BAZ1A: variants seen among roughly 807,000 people sequenced by gnomAD.
BAZ1A encodes bromodomain adjacent to zinc finger domain protein 1A.
Under a neutral mutation model 185.2 loss-of-function variants are expected in BAZ1A, and 50 were observed. That is an observed-to-expected ratio of 0.27 (90% confidence interval 0.22 to 0.34). The LOEUF is 0.34. Among genes scored for constraint, BAZ1A ranks in the 10% least tolerant of loss-of-function variants. The probability of loss-of-function intolerance (pLI) is 1.00; values close to 1 mark genes in which losing one functional copy is unlikely to be tolerated. For synonymous variants in BAZ1A, 571 were observed against 615.6 expected (o/e 0.93, Z 1.07); for missense variants, 1,356 against 1,839.9 (o/e 0.74, Z 4.81).
chr14:34,863,152 C>CATTTTTTTTTTTTTTTTT (rs1566603150), intron 2 of BAZ1A, among the ~76,000 whole-genome samples: 2 of 44,690 alleles, frequency 4.5e-5, no homozygotes, highest in Non-Finnish European at 4.8e-5. Flanking sequence ...CCACGCTCGG[C>CATTTTTTTTTTTTTTTTT]TTTTTTTTTT....
intron 21 of BAZ1A, among the ~76,000 whole-genome samples, chr14:34,767,840 T>C (rs1878952794): frequency 6.6e-6 from 1 of 152,166 alleles, no homozygotes; most frequent in Admixed American, 6.6e-5. Context: ...GAAGAACTTT[T>C]AGAATCTTGG....
chr14:34,875,111 G>T, intron 1 of BAZ1A, 27 bp downstream of exon 1: 1 of 358,710 alleles, frequency 2.8e-6, no homozygotes, highest in Non-Finnish European at 5.5e-6. Context: ...CCCCGCCGGC[G>T]CCGGCCGGCT....
intron 3 of BAZ1A, among the ~76,000 whole-genome samples, chr14:34,848,016 A>G (rs1257640946): frequency 1.3e-5 from 2 of 151,946 alleles, no homozygotes; most frequent in African/African-American, 4.8e-5. Flanking sequence ...CGCACTACCA[A>G]GCCCAGCTAA....
At position 34,875,126 on chromosome 14, in the gene BAZ1A, A is replaced by G. The variant is rs1487994030; in HGVS notation, c.-59+12T>C. Reference sequence around the variant, plus strand: ...CCCCGCCGGCGCCGGCCGGCTCCCGAGCGACCCTCACCTGCGATCACGCCG... The same window carrying G: ...CCCCGCCGGCGCCGGCCGGCTCCCGGGCGACCCTCACCTGCGATCACGCCG... On this transcript the variant is annotated intron_variant, in intron 1 of 26. Coordinates refer to ENST00000360310, the MANE Select transcript of BAZ1A (RefSeq NM_013448.3). 8.1e-6 allele frequency: 3 copies of G among 370,838 alleles called. No individual in the cohort carries two copies. The highest frequency in any genetic ancestry group is 4.3e-5 in the African/African-American group (2 of 46,756). 23.0% of individuals were successfully genotyped at this position (370,838 alleles called of 1,614,324 possible). A position where few individuals can be genotyped will look rare whatever the true frequency, so the allele number is the denominator to read the frequency against.
At chr14:34,832,224 AT>A (rs1661596969) in intron 3 of BAZ1A, among the ~76,000 whole-genome samples, 4 of 143,630 alleles carry the variant, frequency 2.8e-5, no homozygotes, top group Middle Eastern at 3.6e-3. Flanking sequence ...ACATATATAT[AT>A]ATATATGTAT....
chr14:34,861,197 A>C (rs891474996), intron 3 of BAZ1A, among the ~76,000 whole-genome samples: 37 of 152,130 alleles, frequency 2.4e-4, no homozygotes, highest in Non-Finnish European at 3.1e-4. Flanking sequence ...AAAAACAGTT[A>C]ATACCTAAAG....
At chr14:34,847,340 A>G (rs1480331316) in intron 3 of BAZ1A, among the ~76,000 whole-genome samples, 1 of 152,076 alleles carries the variant, frequency 6.6e-6, no homozygotes. Context: ...AGCAATTTTT[A>G]TCTTACGAAT....
chr14:34,856,155 T>C (rs1308790203), intron 3 of BAZ1A, among the ~76,000 whole-genome samples: 3 of 152,214 alleles, frequency 2.0e-5, no homozygotes, highest in African/African-American at 7.2e-5. Flanking sequence ...TATTCAGTGT[T>C]AGTTAAGTGT....
At chr14:34,795,029 CA>C in intron 10 of BAZ1A, 142 bp from the exon 11 acceptor site, 2 of 1,156,804 alleles carry the variant, frequency 1.7e-6, no homozygotes, top group Non-Finnish European at 2.4e-6. Flanking sequence ...TTATCACAAT[CA>C]CCTTTGAAAC....
chr14:34,773,791 G>A, intron 19 of BAZ1A, 65 bp from the exon 20 acceptor site: 1 of 1,445,228 alleles, frequency 6.9e-7, no homozygotes, highest in Non-Finnish European at 9.6e-7. Flanking sequence ...GAGGTATGAA[G>A]TTCAATATGC....
Position 34,795,759 on chromosome 14 carries a change from C to G in BAZ1A, c.1135G>C (p.Glu379Gln). Residue 379 changes from glutamate (E) to glutamine (Q), a missense_variant, in exon 10 of 27, where the codon GAG becomes CAG. By Grantham distance (29) the Glu-to-Gln change is conservative. Around this residue, in one of 7 missense-constraint regions of BAZ1A, gnomAD observed 184 missense variants for 355.1 expected, o/e 0.52. Transcript: ENST00000360310. ...RLKVEREKER[E>Q]KLREEKRKYV... ...TTTCGCTTTTCTTCACGTAACTTCT[C>G]TCTTTCCTAGAAATTTTTAAAAGTT... 1.2e-6 allele frequency: 2 copies of G among 1,609,504 alleles called. No individual in the cohort carries two copies. Among genetic ancestry groups the G allele is most frequent in the South Asian group, 1.1e-5 (1 of 90,156 alleles).
intron 10 of BAZ1A, among the ~76,000 whole-genome samples, chr14:34,795,256 G>A (rs1881122915): frequency 6.6e-6 from 1 of 152,132 alleles, no homozygotes; most frequent in Non-Finnish European, 1.5e-5. Context: ...AGCTCCTTAT[G>A]ATTTGGAACA....
rs147511514 is a variant in BAZ1A at position 34,763,867 on chromosome 14, A to C, written c.3776+840T>G. ...TTTATATGCCCTGGGAAACCAAAAA[A>C]ATTTGTAACTTGCTTTATTGCTGTG... is the stretch of plus-strand genomic sequence containing the variant. On this transcript the variant is annotated intron_variant, in intron 23 of 26. Coordinates refer to ENST00000360310, the MANE Select transcript of BAZ1A (RefSeq NM_013448.3). Among the ~76,000 whole-genome samples the C allele has an allele frequency of 3.9e-5, 6 of 152,296 alleles. 1 individual carries two copies. The highest frequency in any genetic ancestry group is 1.2e-4 in the African/African-American group (5 of 41,546).
At chr14:34,770,493 T>C (rs1879139771) in intron 21 of BAZ1A, among the ~76,000 whole-genome samples, 1 of 152,226 alleles carries the variant, frequency 6.6e-6, no homozygotes, top group African/African-American at 2.4e-5. Flanking sequence ...CAAGTAGTTC[T>C]TTCAATAGGA....
At chr14:34,836,540 C>G (rs919258627) in intron 3 of BAZ1A, among the ~76,000 whole-genome samples, 2 of 151,726 alleles carry the variant, frequency 1.3e-5, no homozygotes, top group South Asian at 4.2e-4. Context: ...AATAAGAGAC[C>G]GACCCTCTGT....
chr14:34,871,747 C>T lies in BAZ1A; in HGVS notation c.113+2745G>A, dbSNP rs185861529. The stretch of plus-strand genomic sequence containing the variant: ...AATTAGCTGGGCGTGGTGGCAGGCT[C>T]CTGTAATTCCAGCTACTCGGGAGGC... On this transcript the variant is annotated intron_variant, in intron 2 of 26. Coordinates refer to ENST00000360310, the MANE Select transcript of BAZ1A (RefSeq NM_013448.3). 3.3e-5 allele frequency among the ~76,000 whole-genome samples: 5 copies of T among 152,346 alleles called. No individual in the cohort carries two copies. The East Asian group carries it at 9.6e-4, about 29-fold the overall frequency.
chr14:34,829,267 G>GAAAA (rs60176426), intron 3 of BAZ1A, among the ~76,000 whole-genome samples: 19 of 86,470 alleles, frequency 2.2e-4, no homozygotes, highest in African/African-American at 7.9e-4. Flanking sequence ...CTCTGTCTCT[G>GAAAA]AAAAAAAAAA....
intron 2 of BAZ1A, among the ~76,000 whole-genome samples, chr14:34,868,361 T>C (rs773705531): frequency 1.3e-5 from 2 of 152,224 alleles, no homozygotes; most frequent in Non-Finnish European, 2.9e-5. Context: ...TACAAGGGAC[T>C]TTCTTAAGAA....
chr14:34,784,942 T>C (rs1320248644), intron 14 of BAZ1A, among the ~76,000 whole-genome samples: 1 of 152,104 alleles, frequency 6.6e-6, no homozygotes, highest in Non-Finnish European at 1.5e-5. Flanking sequence ...CAGCAACCTC[T>C]GCCTCCTGGG....
Sources: gnomAD v4.1 joint callset for allele counts (sites outside exome capture counted in the v4.1 genomes callset) on GRCh38, gnomAD v4.1.1 for gene constraint, gnomAD v4.1.1 regional missense constraint, MANE v1.5 for transcripts, NCBI Gene and HGNC (gene_info 2026-07-23, HGNC 2026-07-21) for gene names.